TRRAP: variants seen among roughly 807,000 people sequenced by gnomAD.
TRRAP encodes transformation/transcription domain-associated protein.
Under a neutral mutation model 438.8 loss-of-function variants are expected in TRRAP, and 41 were observed. The observed-to-expected ratio is 0.09, with a 90% CI of 0.07 to 0.12. TRRAP has a LOEUF of 0.12. Ranked by LOEUF, TRRAP falls within the 10% of genes least tolerant of loss-of-function variation. The pLI is 1.00. For synonymous variants in TRRAP, 1,994 were observed against 1,962.9 expected (o/e 1.02, Z -0.42); for missense variants, 3,122 against 5,055.1 (o/e 0.62, Z 11.60).
intron 65 of TRRAP, 25 bp from the exon 66 acceptor site, chr7:98,993,513 C>G (rs1348237423): frequency 1.2e-6 from 2 of 1,604,548 alleles, no homozygotes; most frequent in Non-Finnish European, 8.5e-7. Flanking sequence ...TGCGCTGACA[C>G]TGGCGTTGTG....
chr7:98,924,053 C>G (rs1355807834), intron 21 of TRRAP, among the ~76,000 whole-genome samples: 2 of 152,212 alleles, frequency 1.3e-5, no homozygotes. Flanking sequence ...AGCCATCTTT[C>G]AGTTTTGAAC....
At chr7:98,933,490 A>G in intron 27 of TRRAP, 88 bp downstream of exon 27, 1 of 1,500,176 alleles carries the variant, frequency 6.7e-7, no homozygotes, top group Non-Finnish European at 8.9e-7. Context: ...GTCAGGCAGC[A>G]TTCAGAGAAG....
chr7:98,959,572 T>G, intron 45 of TRRAP, 82 bp downstream of exon 45: 3 of 1,548,808 alleles, frequency 1.9e-6, no homozygotes, highest in South Asian at 1.2e-5. Flanking sequence ...GACTGGACAT[T>G]TGTGGATCAC....
At chr7:98,921,013 G>GT (rs1789766315) in intron 20 of TRRAP, among the ~76,000 whole-genome samples, 1 of 152,004 alleles carries the variant, frequency 6.6e-6, no homozygotes, top group African/African-American at 2.4e-5. Flanking sequence ...CTAATTTTGT[G>GT]TTTTTAGTAG....
chr7:98,937,969 G>C, intron 30 of TRRAP, 149 bp downstream of exon 30: 4 of 825,140 alleles, frequency 4.8e-6, no homozygotes, highest in Non-Finnish European at 6.8e-6. Context: ...GCAGTTGGGA[G>C]TTCGAGACCA....
intron 47 of TRRAP, among the ~76,000 whole-genome samples, chr7:98,963,663 GT>G (rs1328862915): frequency 1.3e-5 from 2 of 152,184 alleles, no homozygotes; most frequent in Admixed American, 6.5e-5. Context: ...GGTTGCCTGG[GT>G]TACAACCAGA....
intron 19 of TRRAP, 71 bp from the exon 20 acceptor site, chr7:98,917,352 T>G: frequency 6.4e-7 from 1 of 1,564,988 alleles, no homozygotes; most frequent in Non-Finnish European, 8.7e-7. Flanking sequence ...GGGCAGTTCT[T>G]TTGTGTGTTT....
At chr7:98,894,603 CCTTTCTCTTTT>C (rs1796113337) in intron 6 of TRRAP, among the ~76,000 whole-genome samples, 1 of 139,372 alleles carries the variant, frequency 7.2e-6, no homozygotes. Context: ...TCTTTCCTTT[CCTTTCTCTTTT>C]CTTTTGTTGT....
intron 69 of TRRAP, among the ~76,000 whole-genome samples, chr7:99,007,387 C>T (rs988937458): frequency 6.6e-6 from 1 of 152,228 alleles, no homozygotes; most frequent in Non-Finnish European, 1.5e-5. Flanking sequence ...CTCACTCTCT[C>T]ATTCAGGCTG....
At chr7:98,886,499 T>G (rs1415440171) in intron 3 of TRRAP, among the ~76,000 whole-genome samples, 4 of 152,000 alleles carry the variant, frequency 2.6e-5, no homozygotes, top group African/African-American at 7.3e-5. Context: ...TCTAGAGAGA[T>G]ATGGATATCT....
intron 70 of TRRAP, among the ~76,000 whole-genome samples, 169 bp downstream of exon 70, chr7:99,008,730 A>G (rs571120840): frequency 1.3e-5 from 2 of 152,346 alleles, no homozygotes; most frequent in South Asian, 2.1e-4. Context: ...TGAGACAGCT[A>G]TTGACCTTGG....
At position 98,948,013 on chromosome 7, in the gene TRRAP, T is replaced by C. The variant is rs1554417295; in HGVS notation, c.4549-208T>C. Among the ~76,000 whole-genome samples, 1 of 152,192 alleles carries C rather than the reference T, an allele frequency of 6.6e-6. No individual in the cohort carries two copies. Among genetic ancestry groups the C allele is most frequent in the African/African-American group, 2.4e-5 (1 of 41,452 alleles). On this transcript the variant is annotated intron_variant, in intron 33 of 72. Coordinates refer to ENST00000456197, the MANE Select transcript of TRRAP (RefSeq NM_001375524.1). This position sits in a 1 kb window ranked among gnomAD's most constrained non-coding sequence, Gnocchi z 4.9. The stretch of plus-strand genomic sequence containing the variant: ...TCCACACCCCTACAATGGACAGGAA[T>C]GCTGAAGGCCACGGGCAGTCAGTTT...
At chr7:98,981,726 A>G (rs755811154) in intron 58 of TRRAP, 43 bp from the exon 59 acceptor site, 8 of 1,551,580 alleles carry the variant, frequency 5.2e-6, no homozygotes, top group Non-Finnish European at 6.9e-6. Context: ...CACTGAGGGA[A>G]AGAAGGCCCC....
rs770685041 is a variant in TRRAP at position 98,983,535 on chromosome 7, T to A, written c.9022+76T>A. On this transcript the variant is annotated intron_variant, in intron 60 of 72. Transcript: ENST00000456197. Reference sequence around the variant, plus strand: ...CCACGGTTCTGGTTTCGTCTCTGTGTTTTGGTTTGGTTTGGTTTGGTTTTT... The same window carrying A: ...CCACGGTTCTGGTTTCGTCTCTGTGATTTGGTTTGGTTTGGTTTGGTTTTT... 1.9e-6 allele frequency: 3 copies of A among 1,556,098 alleles called. No individual in the cohort carries two copies. In the Admixed American group the frequency reaches 5.6e-5, roughly 29 times the overall value.
intron 62 of TRRAP, among the ~76,000 whole-genome samples, chr7:98,986,407 T>G (rs529652506): frequency 6.6e-6 from 1 of 152,304 alleles, no homozygotes; most frequent in African/African-American, 2.4e-5. Flanking sequence ...CCAGCAATGT[T>G]TAAGGTTTTA....
intron 47 of TRRAP, among the ~76,000 whole-genome samples, chr7:98,963,598 G>A (rs1792019434): frequency 6.6e-6 from 1 of 152,192 alleles, no homozygotes; most frequent in East Asian, 1.9e-4. Flanking sequence ...GGAGAGCATA[G>A]CACTCGGGAA....
At chr7:98,957,229 A>G (rs1317256116) in intron 43 of TRRAP, among the ~76,000 whole-genome samples, 1 of 152,174 alleles carries the variant, frequency 6.6e-6, no homozygotes, top group Non-Finnish European at 1.5e-5. Context: ...CACCCCTCGA[A>G]GTAACCAGAT....
chr7:98,986,485 A>G (rs1793155765), intron 62 of TRRAP, among the ~76,000 whole-genome samples: 1 of 152,216 alleles, frequency 6.6e-6, no homozygotes, highest in African/African-American at 2.4e-5. Flanking sequence ...CATCCTAATG[A>G]GTATAAAATA....
chr7:98,981,603 G>C (rs1409241503), intron 58 of TRRAP, among the ~76,000 whole-genome samples, 166 bp from the exon 59 acceptor site: 1 of 152,178 alleles, frequency 6.6e-6, no homozygotes, highest in Non-Finnish European at 1.5e-5. Context: ...AGAAAAGACT[G>C]TGTAAACGCA....
Sources: gnomAD v4.1 joint callset for allele counts (sites outside exome capture counted in the v4.1 genomes callset) on GRCh38, gnomAD v4.1.1 for gene constraint, Gnocchi (gnomAD v3.1) non-coding constraint, MANE v1.5 for transcripts, NCBI Gene and HGNC (gene_info 2026-07-23, HGNC 2026-07-21) for gene names.